The following MPP7 variants were observed in gnomAD, a reference collection of about 807,000 sequenced individuals.
MPP7 encodes MAGUK p55 subfamily member 7.
A neutral mutation model predicts 76.5 loss-of-function variants in MPP7; 60 were observed. The observed-to-expected ratio is 0.78, with a 90% CI of 0.64 to 0.97. The LOEUF is 0.97. Among genes scored for constraint, MPP7 ranks in the 50% least tolerant of loss-of-function variants. The probability of loss-of-function intolerance (pLI) is 0.00; values close to 1 mark genes in which losing one functional copy is unlikely to be tolerated. For synonymous variants in MPP7, 237 were observed against 244.5 expected (o/e 0.97, Z 0.29); for missense variants, 641 against 694.0 (o/e 0.92, Z 0.86).
intron 11 of MPP7, among the ~76,000 whole-genome samples, chr10:28,108,929 T>C (rs2133553868): frequency 6.6e-6 from 1 of 152,232 alleles, no homozygotes; most frequent in East Asian, 1.9e-4. Context: ...TTAATTATAT[T>C]TGGGGCTGTT....
At chr10:28,331,629 C>A (rs544324444) in intron 1 of MPP7, among the ~76,000 whole-genome samples, 1 of 152,196 alleles carries the variant, frequency 6.6e-6, no homozygotes, top group African/African-American at 2.4e-5. Context: ...GGCTGGAGTG[C>A]AGTGGCATAA....
upstream of MPP7, chr10:28,305,306 G>T (rs3847387): frequency 6.6e-6 from 1 of 152,028 alleles, no homozygotes; most frequent in Non-Finnish European, 1.5e-5. Flanking sequence ...GTAGGCAATG[G>T]TAACTTTGTA....
chr10:28,219,722 C>T (rs1284302538), intron 2 of MPP7, among the ~76,000 whole-genome samples: 3 of 152,018 alleles, frequency 2.0e-5, no homozygotes, highest in Admixed American at 2.0e-4. Context: ...CGGACCAAAA[C>T]GTTTTACTAT....
At chr10:28,222,618 C>G (rs1838548110) in intron 2 of MPP7, among the ~76,000 whole-genome samples, 1 of 152,042 alleles carries the variant, frequency 6.6e-6, no homozygotes, top group Non-Finnish European at 1.5e-5. Flanking sequence ...CTTCAAGAGG[C>G]CGAGGCAGGC....
At chr10:28,077,915 G>C (rs1852574518) in intron 12 of MPP7, among the ~76,000 whole-genome samples, 1 of 152,172 alleles carries the variant, frequency 6.6e-6, no homozygotes, top group Non-Finnish European at 1.5e-5. Flanking sequence ...AGGCATGTGT[G>C]ACATGGTTCA....
intron 4 of MPP7, among the ~76,000 whole-genome samples, chr10:28,148,801 T>C (rs1473341891): frequency 2.0e-5 from 3 of 152,140 alleles, no homozygotes; most frequent in African/African-American, 7.2e-5. Context: ...AAAGGAATAT[T>C]TTTGCAATAT....
intron 3 of MPP7, among the ~76,000 whole-genome samples, chr10:28,179,045 T>G (rs1836970378): frequency 6.6e-6 from 1 of 152,088 alleles, no homozygotes; most frequent in South Asian, 2.1e-4. Flanking sequence ...ATCAAGAAAT[T>G]AAAGCTGAAG....
chr10:28,143,306 A>G (rs1480253042), intron 5 of MPP7, among the ~76,000 whole-genome samples: 1 of 152,234 alleles, frequency 6.6e-6, no homozygotes, highest in Non-Finnish European at 1.5e-5. Flanking sequence ...CCGCACTAAT[A>G]AAGCAATGAC....
chr10:28,257,117 T>A (rs983005525), intron 1 of MPP7, among the ~76,000 whole-genome samples: 17 of 152,178 alleles, frequency 1.1e-4, no homozygotes, highest in African/African-American at 3.9e-4. Flanking sequence ...GCTACCTACA[T>A]CAAACCTATC....
At chr10:28,294,215 G>A (rs755863576) in intron 1 of MPP7, among the ~76,000 whole-genome samples, 2 of 152,250 alleles carry the variant, frequency 1.3e-5, no homozygotes, top group African/African-American at 4.8e-5. Context: ...GCTGAGGCAG[G>A]AGAATGGCGT....
intron 3 of MPP7, among the ~76,000 whole-genome samples, chr10:28,181,200 T>A (rs1169947826): frequency 1.3e-5 from 2 of 152,216 alleles, no homozygotes; most frequent in African/African-American, 2.4e-5. Flanking sequence ...TACTCAATTT[T>A]AAAATGTTAA....
chr10:28,226,721 G>A (rs1057230861), intron 2 of MPP7, among the ~76,000 whole-genome samples: 1 of 152,040 alleles, frequency 6.6e-6, no homozygotes, highest in African/African-American at 2.4e-5. Flanking sequence ...ATCTCAATAA[G>A]AAAATCTTAA....
At chr10:28,300,383 G>A (rs901127918) in intron 1 of MPP7, among the ~76,000 whole-genome samples, 1 of 152,158 alleles carries the variant, frequency 6.6e-6, no homozygotes, top group Non-Finnish European at 1.5e-5. Flanking sequence ...CACAATGCAA[G>A]AGGGCTGGGC....
intron 5 of MPP7, among the ~76,000 whole-genome samples, chr10:28,142,589 G>A (rs747359465): frequency 1.3e-5 from 2 of 152,146 alleles, no homozygotes; most frequent in African/African-American, 4.8e-5. Context: ...GAATTAGCCA[G>A]GTGTGGTGGC....
At chr10:28,148,676 T>G (rs1835785763) in intron 4 of MPP7, among the ~76,000 whole-genome samples, 2 of 152,188 alleles carry the variant, frequency 1.3e-5, no homozygotes, top group South Asian at 4.1e-4. Context: ...TAAAGGTCAT[T>G]TGCACACTTT....
intron 1 of MPP7, among the ~76,000 whole-genome samples, chr10:28,254,162 C>T (rs1839712314): frequency 2.6e-5 from 4 of 151,976 alleles, no homozygotes; most frequent in Admixed American, 2.0e-4. Context: ...GAGAATATTT[C>T]TAAAGCCATT....
chr10:28,254,363 T>G (rs1839718612), intron 1 of MPP7, among the ~76,000 whole-genome samples: 1 of 152,186 alleles, frequency 6.6e-6, no homozygotes, highest in South Asian at 2.1e-4. Flanking sequence ...AAGTGAAAAG[T>G]AATGATGTTA....
intron 2 of MPP7, among the ~76,000 whole-genome samples, chr10:28,236,092 T>A (rs1839066086): frequency 6.6e-6 from 1 of 152,200 alleles, no homozygotes; most frequent in African/African-American, 2.4e-5. Flanking sequence ...GGATTGACAA[T>A]ATTTAATATT....
At chr10:28,055,456 A>T (rs916648309) in intron 16 of MPP7, among the ~76,000 whole-genome samples, 2 of 152,202 alleles carry the variant, frequency 1.3e-5, no homozygotes, top group African/African-American at 4.8e-5. Flanking sequence ...AGAAAAAAAT[A>T]AGCTCTTCAC....
Sources: gnomAD v4.1 joint callset for allele counts (sites outside exome capture counted in the v4.1 genomes callset) on GRCh38, gnomAD v4.1.1 for gene constraint, MANE v1.5 for transcripts, NCBI Gene and HGNC (gene_info 2026-07-23, HGNC 2026-07-21) for gene names.